DOCK1: variants seen among roughly 807,000 people sequenced by gnomAD.
The protein encoded by DOCK1 is dedicator of cytokinesis protein 1.
DOCK1 carries 138 observed loss-of-function variants against 262.7 expected under a neutral mutation model. That is an observed-to-expected ratio of 0.53 (90% CI 0.46 to 0.61). The LOEUF is 0.61. Ranked by LOEUF, DOCK1 falls within the 20% of genes least tolerant of loss-of-function variation. DOCK1 has a pLI of 0.00. For synonymous variants in DOCK1, 866 were observed against 867.4 expected (o/e 1.00, Z 0.03); for missense variants, 1,908 against 2,370.7 (o/e 0.80, Z 4.05).
chr10:127,255,683 A>G (rs2059805414), intron 28 of DOCK1, among the ~76,000 whole-genome samples: 1 of 152,234 alleles, frequency 6.6e-6, no homozygotes, highest in African/African-American at 2.4e-5. Flanking sequence ...CTAATGAAGT[A>G]TGGGACTGTG....
rs1157084165 is a variant in DOCK1 at position 127,425,956 on chromosome 10, C to T, written c.4859C>T (p.Ala1620Val). ...ALRPFHERME[A>V]CFKQLKEKVE... ...AGGCCGTTCCACGAGAGGATGGAGGCCTGTTTCAAACAGCTGAAGGAAAAG... is the reference window on the plus strand; with the variant it reads ...AGGCCGTTCCACGAGAGGATGGAGGTCTGTTTCAAACAGCTGAAGGAAAAG... Residue 1620 changes from alanine (A) to valine (V), a missense_variant, in exon 47 of 52, where the codon GCC becomes GTC. Around this residue, in one of 9 missense-constraint regions of DOCK1, gnomAD observed 383 missense variants for 420.1 expected, o/e 0.91. Coordinates refer to ENST00000623213, the MANE Select transcript of DOCK1 (RefSeq NM_001290223.2). 7.4e-6 allele frequency: 12 copies of T among 1,613,842 alleles called. No individual in the cohort carries two copies. The highest frequency in any genetic ancestry group is 1.3e-5 in the African/African-American group (1 of 74,896).
intron 27 of DOCK1, among the ~76,000 whole-genome samples, chr10:127,201,988 G>A (rs938132112): frequency 6.6e-6 from 1 of 152,128 alleles, no homozygotes; most frequent in Non-Finnish European, 1.5e-5. Flanking sequence ...CTCATAAAGT[G>A]GCTGACATGC....
intron 27 of DOCK1, among the ~76,000 whole-genome samples, chr10:127,233,461 A>AT (rs959459624): frequency 5.3e-5 from 8 of 152,256 alleles, no homozygotes; most frequent in East Asian, 3.9e-4. Flanking sequence ...CATTCAAGAG[A>AT]TTTTTTTCCC....
rs2035849485 is a variant in DOCK1 at position 126,948,651 on chromosome 10, G to C, written c.47-22051G>C. On this transcript the variant is annotated intron_variant, in intron 1 of 51. Transcript: ENST00000623213. ...TTCCCGATGTGGGGTTGCAGGGTCA[G>C]GTATGCTGAGCCAGAGGCACTGCTT... is the stretch of plus-strand genomic sequence containing the variant. Among the ~76,000 whole-genome samples the C allele has an allele frequency of 2.0e-5, 3 of 152,086 alleles. No homozygotes were observed. In the South Asian group the frequency reaches 6.3e-4, roughly 32 times the overall value.
Position 127,208,662 on chromosome 10 carries a change from C to T in DOCK1, c.2848-39346C>T, listed in dbSNP as rs570831409. Among the ~76,000 whole-genome samples, 6 of 152,158 alleles carry T rather than the reference C, an allele frequency of 3.9e-5. No homozygotes were observed. In the South Asian group the frequency reaches 6.2e-4, roughly 16 times the overall value. On this transcript the variant is annotated intron_variant, in intron 27 of 51. Coordinates refer to ENST00000623213, the MANE Select transcript of DOCK1 (RefSeq NM_001290223.2). ...TCAGGAAGCCAAGATTTCAAGACCC[C>T]GTTTCATTTTTTTAAAAACATGACA... is the stretch of plus-strand genomic sequence containing the variant.
chr10:126,947,035 A>G (rs2035470105), intron 1 of DOCK1, among the ~76,000 whole-genome samples: 1 of 152,218 alleles, frequency 6.6e-6, no homozygotes, highest in African/African-American at 2.4e-5. Flanking sequence ...ATGCGGTCCA[A>G]GGACTGGTAC....
At chr10:127,038,742 G>A (rs922989611) in intron 19 of DOCK1, among the ~76,000 whole-genome samples, 5 of 97,560 alleles carry the variant, frequency 5.1e-5, no homozygotes, top group Admixed American at 1.2e-4. Flanking sequence ...TTACATGGCC[G>A]GAGGTCCTGG....
chr10:127,018,549 G>T, intron 12 of DOCK1, 161 bp from the exon 13 acceptor site: 1 of 1,101,608 alleles, frequency 9.1e-7, no homozygotes, highest in Non-Finnish European at 1.3e-6. Context: ...CCCACGACAG[G>T]CACCTTTTGC....
At chr10:127,033,115 T>C (rs11018231) in intron 18 of DOCK1, among the ~76,000 whole-genome samples, 6,103 of 152,298 alleles carry the variant, frequency 0.04, 293 homozygotes, top group East Asian at 0.12. Context: ...ACATGAACAG[T>C]GGGCTGGGAG....
intron 48 of DOCK1, among the ~76,000 whole-genome samples, chr10:127,438,358 G>A (rs2069838985): frequency 6.6e-6 from 1 of 152,216 alleles, no homozygotes; most frequent in African/African-American, 2.4e-5. Context: ...CAACTGTGGG[G>A]TAGGCAGAAG....
chr10:126,950,024 T>A (rs998612925), intron 1 of DOCK1, among the ~76,000 whole-genome samples: 1 of 151,708 alleles, frequency 6.6e-6, no homozygotes, highest in Non-Finnish European at 1.5e-5. Context: ...CCTGCGTCTT[T>A]GAGGAGCCAT....
chr10:127,359,210 GT>G (rs2064293028), intron 32 of DOCK1, among the ~76,000 whole-genome samples: 1 of 152,066 alleles, frequency 6.6e-6, no homozygotes, highest in Admixed American at 6.5e-5. Flanking sequence ...GGGACCACTG[GT>G]TTACGAAGAG....
At chr10:127,336,579 A>G (rs567138733) in intron 29 of DOCK1, among the ~76,000 whole-genome samples, 237 of 149,176 alleles carry the variant, frequency 1.6e-3, no homozygotes, top group East Asian at 2.6e-3. Context: ...TCACTCTGTC[A>G]CCCAGGCTGG....
chr10:127,422,073 C>T (rs2068543991), intron 46 of DOCK1, among the ~76,000 whole-genome samples: 1 of 151,692 alleles, frequency 6.6e-6, no homozygotes, highest in Non-Finnish European at 1.5e-5. Context: ...CTTCTACGGT[C>T]ACAGCACCAT....
At chr10:127,401,736 C>G (rs2067236200) in intron 38 of DOCK1, among the ~76,000 whole-genome samples, 2 of 152,134 alleles carry the variant, frequency 1.3e-5, no homozygotes, top group Admixed American at 6.5e-5. Context: ...TGTACACCTG[C>G]CTGACCATCA....
chr10:127,077,256 G>T (rs189075708), intron 23 of DOCK1, among the ~76,000 whole-genome samples: 13 of 152,052 alleles, frequency 8.5e-5, no homozygotes, highest in Non-Finnish European at 1.6e-4. Context: ...TTAGCTGGGC[G>T]TGGTGGTGGG....
intron 16 of DOCK1, among the ~76,000 whole-genome samples, chr10:127,028,521 C>T (rs1157410324): frequency 1.3e-5 from 2 of 152,160 alleles, no homozygotes; most frequent in Non-Finnish European, 2.9e-5. Flanking sequence ...CTGAAAGGCA[C>T]CCAGGTAGTC....
chr10:127,125,091 T>C (rs1025854702), intron 25 of DOCK1, among the ~76,000 whole-genome samples: 41 of 152,278 alleles, frequency 2.7e-4, no homozygotes, highest in African/African-American at 8.7e-4. Flanking sequence ...CACTCCAGCC[T>C]GGGCGACAGA....
At chr10:126,946,367 T>TG (rs2035405831) in intron 1 of DOCK1, among the ~76,000 whole-genome samples, 1 of 152,034 alleles carries the variant, frequency 6.6e-6, no homozygotes, top group Non-Finnish European at 1.5e-5. Flanking sequence ...GCCAACATGG[T>TG]GAAACCCCAT....
Sources: allele counts gnomAD v4.1 joint callset (sites outside exome capture counted in the v4.1 genomes callset), GRCh38; gene constraint gnomAD v4.1.1; regional missense constraint gnomAD v4.1.1; transcripts MANE v1.5; gene names NCBI Gene and HGNC (gene_info 2026-07-23, HGNC 2026-07-21).